The following CADM1 variants were observed in gnomAD, a reference collection of about 807,000 sequenced individuals.
The protein encoded by CADM1 is TSLC-1.
Under a neutral mutation model 53.1 loss-of-function variants are expected in CADM1, and 15 were observed. The ratio of observed to expected loss-of-function variants is 0.28; its 90% CI spans 0.19 to 0.44. The LOEUF (loss-of-function observed/expected upper bound fraction) is 0.44, where lower values mean the gene tolerates loss of function less well. CADM1 is among the 20% of genes least tolerant of loss of function. The pLI, the probability that CADM1 is intolerant of heterozygous loss-of-function variation, is 1.00. For missense variants in CADM1, 434 were observed against 611.3 expected (o/e 0.71, Z 3.06); for synonymous variants, 281 against 243.0 (o/e 1.16, Z -1.45).
At position 115,239,726 on chromosome 11, in the gene CADM1, T is replaced by C. The variant is rs572367690; in HGVS notation, c.271+548A>G. ...TAACAGTTTTTGGTTTTTTTTTTTTTCAAAAGATTTGATTCTTGCTCTTAC... is the reference window on the plus strand; with the variant it reads ...TAACAGTTTTTGGTTTTTTTTTTTTCCAAAAGATTTGATTCTTGCTCTTAC... On this transcript the variant is annotated intron_variant, in intron 2 of 11. Transcript: ENST00000331581. Among the ~76,000 whole-genome samples, 9 of 151,944 alleles carry C rather than the reference T, an allele frequency of 5.9e-5. No homozygotes were observed. The South Asian group carries it at 6.3e-4, about 11-fold the overall frequency.
intron 1 of CADM1, among the ~76,000 whole-genome samples, chr11:115,456,610 T>C (rs889744958): frequency 6.6e-6 from 1 of 152,118 alleles, no homozygotes; most frequent in Non-Finnish European, 1.5e-5. Flanking sequence ...AATGTTACAG[T>C]AGAAAGAGCA....
At chr11:115,208,458 A>G (rs1213113663) in intron 8 of CADM1, among the ~76,000 whole-genome samples, 2 of 152,150 alleles carry the variant, frequency 1.3e-5, no homozygotes, top group African/African-American at 4.8e-5. Flanking sequence ...GTCAATGAAA[A>G]GGACAGCAAT....
At chr11:115,295,552 T>TATA (rs1944055711) in intron 1 of CADM1, among the ~76,000 whole-genome samples, 1 of 103,362 alleles carries the variant, frequency 9.7e-6, no homozygotes, top group Non-Finnish European at 2.0e-5. Flanking sequence ...ATATATATAA[T>TATA]ATATATGTAT....
intron 1 of CADM1, among the ~76,000 whole-genome samples, chr11:115,299,280 T>C (rs533257007): frequency 6.6e-6 from 1 of 152,252 alleles, no homozygotes; most frequent in South Asian, 2.1e-4. Context: ...ATGGCATTTA[T>C]TTTTATCTTT....
intron 1 of CADM1, among the ~76,000 whole-genome samples, chr11:115,444,871 C>T (rs946831578): frequency 1.3e-5 from 2 of 152,124 alleles, no homozygotes; most frequent in African/African-American, 4.8e-5. Flanking sequence ...ATAGCTTCTA[C>T]GTAAGGAAGA....
intron 1 of CADM1, among the ~76,000 whole-genome samples, chr11:115,442,615 C>G (rs951667411): frequency 6.6e-6 from 1 of 152,178 alleles, no homozygotes; most frequent in Non-Finnish European, 1.5e-5. Flanking sequence ...ATTGAGTTTA[C>G]TCCTCCTATC....
chr11:115,492,932 T>TACACACAC (rs57800253), intron 1 of CADM1, among the ~76,000 whole-genome samples: 133 of 146,842 alleles, frequency 9.1e-4, no homozygotes, highest in African/African-American at 3.0e-3. Context: ...GGATATTTTA[T>TACACACAC]ACACACACAC....
At chr11:115,185,680 C>T (rs1399886514) in intron 10 of CADM1, among the ~76,000 whole-genome samples, 1 of 152,222 alleles carries the variant, frequency 6.6e-6, no homozygotes, top group African/African-American at 2.4e-5. Flanking sequence ...CTTGAGTCCA[C>T]TCTGTTCATC....
chr11:115,453,234 G>A (rs960826098), intron 1 of CADM1, among the ~76,000 whole-genome samples: 28 of 151,918 alleles, frequency 1.8e-4, no homozygotes, highest in African/African-American at 6.5e-4. Context: ...AAAATTAGTC[G>A]GGTGTGGTGG....
chr11:115,199,347 TTTTTTG>T (rs1235954779), intron 8 of CADM1, among the ~76,000 whole-genome samples: 2 of 151,996 alleles, frequency 1.3e-5, no homozygotes, highest in African/African-American at 2.4e-5. Context: ...GAGAGTGCAG[TTTTTTG>T]TTTTTGTTTT....
intron 1 of CADM1, among the ~76,000 whole-genome samples, chr11:115,267,434 G>A (rs1404028592): frequency 6.6e-6 from 1 of 152,192 alleles, no homozygotes; most frequent in African/African-American, 2.4e-5. Flanking sequence ...CTATCTCCTT[G>A]AGGGATATTT....
rs2134564755 is a variant in CADM1, at chr11:115,174,608, C to T, written c.*1866G>A. On this transcript the variant is annotated 3_prime_UTR_variant, in exon 12 of 12. Transcript: ENST00000331581. ...TTAAAATAAAGACAAGAAAAATAAA[C>T]ATGTTTTCAAATAACAAAGAGTTGA... 1 of 984,570 alleles carries T rather than the reference C, an allele frequency of 1.0e-6. No individual in the cohort carries two copies. Among genetic ancestry groups the T allele is most frequent in the Admixed American group, 6.1e-5 (1 of 16,272 alleles). The allele number at this position is 984,570 out of a possible 1,614,324, so 61.0% of individuals were successfully genotyped here.
chr11:115,374,275 G>C (rs1186827451), intron 1 of CADM1, among the ~76,000 whole-genome samples: 1 of 152,136 alleles, frequency 6.6e-6, no homozygotes, highest in Non-Finnish European at 1.5e-5. Context: ...TTGAGCATCA[G>C]TAAGAATAAT....
chr11:115,438,305 A>C (rs1433820109), intron 1 of CADM1, among the ~76,000 whole-genome samples: 1 of 152,022 alleles, frequency 6.6e-6, no homozygotes, highest in Non-Finnish European at 1.5e-5. Context: ...TTTTATTTTT[A>C]ATGAATCTTA....
At chr11:115,288,751 T>C (rs773982673) in intron 1 of CADM1, among the ~76,000 whole-genome samples, 3 of 152,148 alleles carry the variant, frequency 2.0e-5, no homozygotes, top group Non-Finnish European at 2.9e-5. Flanking sequence ...CAGATAAAAA[T>C]ATTGTATTTA....
At chr11:115,309,145 AT>A (rs1188219022) in intron 1 of CADM1, among the ~76,000 whole-genome samples, 1 of 152,050 alleles carries the variant, frequency 6.6e-6, no homozygotes, top group Non-Finnish European at 1.5e-5. Flanking sequence ...CTACCCATTC[AT>A]TCTTCCAAGA....
chr11:115,404,457 G>GA (rs1156677846), intron 1 of CADM1, among the ~76,000 whole-genome samples: 1 of 125,660 alleles, frequency 8.0e-6, no homozygotes, highest in East Asian at 2.5e-4. Flanking sequence ...ACTTTTAGAA[G>GA]AAAAAAAGAG....
intron 10 of CADM1, among the ~76,000 whole-genome samples, chr11:115,189,709 G>A (rs1939751614): frequency 6.6e-6 from 1 of 152,160 alleles, no homozygotes; most frequent in Non-Finnish European, 1.5e-5. Context: ...TATGCATTGG[G>A]ATTTGGAAAT....
intron 1 of CADM1, among the ~76,000 whole-genome samples, chr11:115,365,991 T>A (rs1244538045): frequency 6.6e-6 from 1 of 152,212 alleles, no homozygotes; most frequent in Admixed American, 6.5e-5. Flanking sequence ...AGGTTTTATG[T>A]ATGAGGGCCA....
Sources: gnomAD v4.1 joint callset for allele counts (sites outside exome capture counted in the v4.1 genomes callset) on GRCh38, gnomAD v4.1.1 for gene constraint, MANE v1.5 for transcripts, NCBI Gene and HGNC (gene_info 2026-07-23, HGNC 2026-07-21) for gene names.